The following PVT1 variants were observed in gnomAD, a reference collection of about 807,000 sequenced individuals.
The protein encoded by PVT1 is Pvt1 oncogene, also known as CXCR4/PVT1 fusion.
chr8:127,798,152 A>G (rs1329443242), intron 2 of PVT1, among the ~76,000 whole-genome samples: 1 of 151,674 alleles, frequency 6.6e-6, no homozygotes, highest in Non-Finnish European at 1.5e-5. Context: ...CAAATACAAA[A>G]AATTAGCCGG....
intron 3 of PVT1, among the ~76,000 whole-genome samples, chr8:127,915,011 GA>G (rs1815965395): frequency 6.6e-6 from 1 of 151,966 alleles, no homozygotes. Flanking sequence ...TTTTGGTAGA[GA>G]TGGGGTTTCA....
At chr8:128,047,322 A>G (rs2648861) in intron 4 of PVT1, among the ~76,000 whole-genome samples, 86,474 of 152,084 alleles carry the variant, frequency 0.57, 24,906 homozygotes, top group East Asian at 0.72. Flanking sequence ...GTTCCGCTTG[A>G]TTCTGAACTA....
intron 2 of PVT1, among the ~76,000 whole-genome samples, chr8:127,863,435 G>T (rs947833957): frequency 1.3e-5 from 2 of 152,092 alleles, no homozygotes; most frequent in Admixed American, 1.3e-4. Context: ...ATGTTCTCAG[G>T]TGAGTGGCAT....
chr8:128,007,060 C>A (rs1252291041), intron 4 of PVT1, among the ~76,000 whole-genome samples: 2 of 152,170 alleles, frequency 1.3e-5, no homozygotes, highest in Non-Finnish European at 2.9e-5. Context: ...TTCTAGTTAA[C>A]AACTGATCAG....
At chr8:127,803,640 T>A (rs965370252) in intron 2 of PVT1, 2 of 151,968 alleles carry the variant, frequency 1.3e-5, no homozygotes, top group African/African-American at 2.4e-5. Flanking sequence ...TGTAATCCCA[T>A]CACTTTGGGA....
chr8:127,940,091 T>G (rs1816329505), intron 3 of PVT1: 1 of 152,072 alleles, frequency 6.6e-6, no homozygotes, highest in Non-Finnish European at 1.5e-5. Flanking sequence ...GGGACCGCTT[T>G]CACAAAACCA....
intron 2 of PVT1, among the ~76,000 whole-genome samples, chr8:127,880,294 A>T (rs113165896): frequency 0.013 from 2,003 of 150,234 alleles, 39 homozygotes; most frequent in African/African-American, 0.047. Context: ...CCAGTCAACA[A>T]TTCCTTTTTT....
chr8:127,976,983 C>T lies in PVT1; in HGVS notation n.783-12179C>T, dbSNP rs149590512. Among the ~76,000 whole-genome samples, 11 of 152,226 alleles carry T rather than the reference C, an allele frequency of 7.2e-5. No homozygotes were observed. In the East Asian group the frequency reaches 2.1e-3, roughly 29 times the overall value. On this transcript the variant is annotated intron_variant and non_coding_transcript_variant, in intron 3 of 10. Transcript: ENST00000651587. ...CCAGTATTTAGTGTTTTAGGTGCTC[C>T]CAGATCCACGATGTGTAGTAATAGG...
chr8:127,819,667 C>T (rs920903054), intron 2 of PVT1, among the ~76,000 whole-genome samples: 1 of 152,152 alleles, frequency 6.6e-6, no homozygotes, highest in African/African-American at 2.4e-5. Context: ...CACCCTCAGG[C>T]TACCCAGCCC....
intron 5 of PVT1, among the ~76,000 whole-genome samples, chr8:128,093,101 T>C (rs1190638370): frequency 6.6e-6 from 1 of 152,258 alleles, no homozygotes; most frequent in African/African-American, 2.4e-5. Flanking sequence ...TTTTTATTTC[T>C]ATTTTGGTTA....
intron 5 of PVT1, among the ~76,000 whole-genome samples, chr8:128,085,268 A>G (rs1457799634): frequency 2.0e-5 from 3 of 152,100 alleles, no homozygotes; most frequent in African/African-American, 7.2e-5. Context: ...TGCACCTTCA[A>G]AAGTCCGCGG....
intron 4 of PVT1, among the ~76,000 whole-genome samples, chr8:128,006,146 A>G (rs1817245109): frequency 2.6e-5 from 1 of 37,946 alleles, no homozygotes. Flanking sequence ...TAATAATAAT[A>G]ATAAAAAGAT....
chr8:127,878,888 C>T (rs983264174), intron 2 of PVT1, among the ~76,000 whole-genome samples: 10 of 152,114 alleles, frequency 6.6e-5, no homozygotes, highest in African/African-American at 2.4e-4. Context: ...GTTCTGGGGA[C>T]GCCTGCCTCC....
At chr8:128,020,560 G>C (rs990791062) in intron 4 of PVT1, among the ~76,000 whole-genome samples, 1 of 152,220 alleles carries the variant, frequency 6.6e-6, no homozygotes, top group Non-Finnish European at 1.5e-5. Flanking sequence ...GCCTACAGCT[G>C]CAGGGAACTG....
chr8:127,797,505 A>G (rs1200652229), intron 2 of PVT1, among the ~76,000 whole-genome samples: 1 of 152,142 alleles, frequency 6.6e-6, no homozygotes, highest in African/African-American at 2.4e-5. Context: ...AGTCACTTCA[A>G]TATCATCCCT....
At chr8:128,028,439 C>A (rs546185621) in intron 4 of PVT1, among the ~76,000 whole-genome samples, 1 of 152,368 alleles carries the variant, frequency 6.6e-6, no homozygotes, top group South Asian at 2.1e-4. Context: ...GGCAGTGCAT[C>A]CCACAGCCTC....
chr8:127,984,887 T>TTC (rs1563657499), intron 3 of PVT1, among the ~76,000 whole-genome samples: 14 of 100,738 alleles, frequency 1.4e-4, no homozygotes, highest in African/African-American at 3.2e-4. Context: ...CTTTCTTTCT[T>TTC]TCTTTCTTTC....
At chr8:127,954,025 A>C (rs1586453463) in intron 3 of PVT1, among the ~76,000 whole-genome samples, 5 of 152,222 alleles carry the variant, frequency 3.3e-5, no homozygotes, top group Admixed American at 3.3e-4. Context: ...AATTACTAGC[A>C]GTAAGGCACA....
rs73353096 is a variant in PVT1 at position 127,832,954 on chromosome 8, A to G, written n.372+36883A>G. Among the ~76,000 whole-genome samples, 1,100 of 152,294 alleles carry G rather than the reference A, an allele frequency of 7.2e-3. 20 individuals are homozygous for G. The highest frequency in any genetic ancestry group is 0.025 in the African/African-American group (1,035 of 41,578). On this transcript the variant is annotated intron_variant and non_coding_transcript_variant, in intron 2 of 10. Coordinates refer to ENST00000651587, the Ensembl canonical transcript of PVT1. The stretch of plus-strand genomic sequence containing the variant: ...CCAACTCTGAGATTATCTGATATTC[A>G]TGGAGTTATTTAATGAACAGTAGTA...
Sources: gnomAD v4.1 joint callset for allele counts (sites outside exome capture counted in the v4.1 genomes callset) on GRCh38, gnomAD v4.1.1 for gene constraint, MANE v1.5 for transcripts, NCBI Gene and HGNC (gene_info 2026-07-23, HGNC 2026-07-21) for gene names.